The following AKAP13 variants were observed in gnomAD, a reference collection of about 807,000 sequenced individuals.
AKAP13 encodes A-kinase anchor protein 13.
In AKAP13, 80 loss-of-function variants were observed where a neutral mutation model predicts 264.5. The ratio of observed to expected loss-of-function variants is 0.30; its 90% CI spans 0.25 to 0.36. AKAP13 has a LOEUF of 0.36. Among genes scored for constraint, AKAP13 ranks in the 10% least tolerant of loss-of-function variants. The pLI, the probability that AKAP13 is intolerant of heterozygous loss-of-function variation, is 1.00. For missense variants in AKAP13, 3,712 were observed against 3,435.2 expected, an observed-to-expected ratio of 1.08 and a Z score of -2.01; for synonymous variants, 1,380 against 1,250.2, an observed-to-expected ratio of 1.10 and a Z score of -2.19.
In AKAP13 at chr15:85,684,122, A is replaced by G. The variant is rs548056985; in HGVS notation, c.5157-619A>G. 4.6e-5 allele frequency among the ~76,000 whole-genome samples: 7 copies of G among 152,340 alleles called. No homozygotes were observed. In the East Asian group the frequency reaches 1.2e-3, roughly 25 times the overall value. Reference sequence around the variant, plus strand: ...AACAAGTACCCTGTCATTCTGCTACATATATGGGTTTCCTTTCAAGCACCC... The same window carrying G: ...AACAAGTACCCTGTCATTCTGCTACGTATATGGGTTTCCTTTCAAGCACCC... On this transcript the variant is annotated intron_variant, in intron 15 of 36. Coordinates refer to ENST00000394518, the MANE Select transcript of AKAP13 (RefSeq NM_007200.5).
At chr15:85,391,283 T>C (rs899059366) in intron 1 of AKAP13, among the ~76,000 whole-genome samples, 1 of 152,186 alleles carries the variant, frequency 6.6e-6, no homozygotes, top group African/African-American at 2.4e-5. Flanking sequence ...GTGAACTCTA[T>C]TTTCCATTTG....
intron 17 of AKAP13, among the ~76,000 whole-genome samples, chr15:85,694,135 T>A (rs1567199177): frequency 6.6e-6 from 1 of 152,232 alleles, no homozygotes; most frequent in Non-Finnish European, 1.5e-5. Context: ...TTAGATCATA[T>A]GTGCTCATTT....
intron 1 of AKAP13, among the ~76,000 whole-genome samples, chr15:85,438,018 A>G (rs2073404365): frequency 6.9e-6 from 1 of 145,578 alleles, no homozygotes; most frequent in South Asian, 2.3e-4. Flanking sequence ...GAAAAGAGGA[A>G]GTCAAATTGT....
intron 1 of AKAP13, chr15:85,415,465 G>A (rs1222712867): frequency 3.6e-5 from 58 of 1,596,908 alleles, no homozygotes; most frequent in East Asian, 6.7e-5. Flanking sequence ...ACAGCTGATG[G>A]CAGAAAAACT....
intron 3 of AKAP13, among the ~76,000 whole-genome samples, chr15:85,525,058 AT>A (rs11419433): frequency 4.7e-4 from 61 of 129,482 alleles, no homozygotes; most frequent in African/African-American, 5.5e-4. Context: ...CTATCTTTAA[AT>A]TTTTTTTTTT....
intron 8 of AKAP13, among the ~76,000 whole-genome samples, chr15:85,604,449 A>AGCTGCTGCT (rs938372790): frequency 2.6e-5 from 4 of 151,516 alleles, no homozygotes; most frequent in African/African-American, 7.3e-5. Flanking sequence ...ACCAATCAAA[A>AGCTGCTGCT]GCTGCTGCTG....
intron 1 of AKAP13, among the ~76,000 whole-genome samples, chr15:85,462,676 A>G (rs186936715): frequency 7.6e-4 from 116 of 152,352 alleles, no homozygotes; most frequent in Non-Finnish European, 1.4e-3. Flanking sequence ...ATCTACTTAG[A>G]ATCAAAGCTA....
At chr15:85,489,896 A>T (rs2075675723) in intron 2 of AKAP13, among the ~76,000 whole-genome samples, 1 of 152,212 alleles carries the variant, frequency 6.6e-6, no homozygotes, top group South Asian at 2.1e-4. Flanking sequence ...AATGTGCAGG[A>T]CCCTGGCCTG....
chr15:85,740,450 C>T, intron 34 of AKAP13, 178 bp downstream of exon 34: 1 of 633,370 alleles, frequency 1.6e-6, no homozygotes, highest in Admixed American at 2.9e-5. Flanking sequence ...CCTTCCAGGA[C>T]TAGAATTAGT....
intron 2 of AKAP13, among the ~76,000 whole-genome samples, chr15:85,503,519 G>A (rs952955336): frequency 7.9e-5 from 12 of 152,112 alleles, no homozygotes; most frequent in Non-Finnish European, 1.3e-4. Context: ...TTGTACCCTG[G>A]GTTAGGAATG....
intron 1 of AKAP13, among the ~76,000 whole-genome samples, chr15:85,475,082 A>G (rs1221536204): frequency 2.0e-5 from 3 of 152,158 alleles, no homozygotes; most frequent in East Asian, 3.8e-4. Context: ...GGTTTAGCCC[A>G]TTGGACAGCC....
At chr15:85,418,103 T>A (rs2072328923) in intron 1 of AKAP13, among the ~76,000 whole-genome samples, 1 of 150,506 alleles carries the variant, frequency 6.6e-6, no homozygotes, top group Non-Finnish European at 1.5e-5. Flanking sequence ...TGAGATAGGG[T>A]CTGTCCCTGT....
chr15:85,713,490 A>G (rs1304145411), intron 19 of AKAP13, among the ~76,000 whole-genome samples: 1 of 141,796 alleles, frequency 7.1e-6, no homozygotes, highest in African/African-American at 2.6e-5. Context: ...CCCTTCAGAA[A>G]CATTCAGGTT....
intron 12 of AKAP13, among the ~76,000 whole-genome samples, chr15:85,662,637 AAG>A (rs1425683126): frequency 6.6e-6 from 1 of 152,210 alleles, no homozygotes; most frequent in Non-Finnish European, 1.5e-5. Flanking sequence ...GATGCAGCCT[AAG>A]AGTCGGGTGA....
chr15:85,721,595 A>G (rs2087288234), intron 23 of AKAP13, among the ~76,000 whole-genome samples: 1 of 152,214 alleles, frequency 6.6e-6, no homozygotes, highest in Non-Finnish European at 1.5e-5. Context: ...ATGTCTGTCT[A>G]ACTTATCAAG....
chr15:85,572,642 G>A (rs1221450084), intron 5 of AKAP13, among the ~76,000 whole-genome samples: 1 of 151,642 alleles, frequency 6.6e-6, no homozygotes, highest in Non-Finnish European at 1.5e-5. Context: ...TGCCTTATAC[G>A]TTTTCCACTG....
intron 1 of AKAP13, among the ~76,000 whole-genome samples, chr15:85,459,024 T>C (rs1447539918): frequency 2.0e-5 from 3 of 152,260 alleles, no homozygotes; most frequent in Admixed American, 2.0e-4. Flanking sequence ...TTTGTGCGAA[T>C]GATTCCCAAA....
At chr15:85,609,520 G>T (rs192023370) in intron 8 of AKAP13, among the ~76,000 whole-genome samples, 1 of 152,110 alleles carries the variant, frequency 6.6e-6, no homozygotes, top group East Asian at 1.9e-4. Flanking sequence ...TTCATCTGTC[G>T]ATGGACACTT....
chr15:85,533,931 CT>C (rs762940749), intron 4 of AKAP13, 51 bp downstream of exon 4: 663 of 1,395,846 alleles, frequency 4.7e-4, no homozygotes, highest in South Asian at 9.8e-4. Flanking sequence ...GATATTTCTA[CT>C]TTTTTTTTAA....
Sources: allele counts gnomAD v4.1 joint callset (sites outside exome capture counted in the v4.1 genomes callset), GRCh38; gene constraint gnomAD v4.1.1; transcripts MANE v1.5; gene names NCBI Gene and HGNC (gene_info 2026-07-23, HGNC 2026-07-21).